WDR70: variants seen among roughly 807,000 people sequenced by gnomAD.
WDR70 encodes the protein WD repeat domain 70, also known as WD repeat-containing protein 70.
A neutral mutation model predicts 88.6 loss-of-function variants in WDR70; 53 were observed. The ratio of observed to expected loss-of-function variants is 0.60; its 90% confidence interval spans 0.48 to 0.75. WDR70 has a LOEUF of 0.75. Among genes scored for constraint, WDR70 ranks in the 30% least tolerant of loss-of-function variants. The pLI is 0.00. For missense variants in WDR70, 610 were observed against 823.2 expected, an observed-to-expected ratio of 0.74 and a Z score of 3.17; for synonymous variants, 280 against 270.0, an observed-to-expected ratio of 1.04 and a Z score of -0.36.
intron 5 of WDR70, among the ~76,000 whole-genome samples, chr5:37,428,294 G>A (rs1430467716): frequency 6.6e-6 from 1 of 152,118 alleles, no homozygotes; most frequent in East Asian, 1.9e-4. Flanking sequence ...TTTACACACA[G>A]TAAAATGCAA....
At chr5:37,409,714 G>A (rs1054006724) in intron 5 of WDR70, among the ~76,000 whole-genome samples, 1 of 151,370 alleles carries the variant, frequency 6.6e-6, no homozygotes, top group Non-Finnish European at 1.5e-5. Context: ...CATGCTGGCC[G>A]GGCTGGTCAC....
rs990107600 is a variant in WDR70, at chr5:37,746,018, A to T, written c.1878-6468A>T. ...CACTTATTCTAAAATCGACCACATAATTGGAAGTAAAACGCTCCTCAGCAA... is the reference window on the plus strand; with the variant it reads ...CACTTATTCTAAAATCGACCACATATTTGGAAGTAAAACGCTCCTCAGCAA... On this transcript the variant is annotated intron_variant, in intron 17 of 17. Transcript: ENST00000265107. Among the ~76,000 whole-genome samples the T allele has an allele frequency of 5.9e-5, 9 of 152,314 alleles. No individual in the cohort carries two copies. In the East Asian group the frequency reaches 1.5e-3, roughly 26 times the overall value.
intron 10 of WDR70, among the ~76,000 whole-genome samples, chr5:37,677,955 T>C (rs901303947): frequency 3.9e-5 from 6 of 152,234 alleles, no homozygotes; most frequent in Non-Finnish European, 8.8e-5. Context: ...GTAGCTCTTC[T>C]TGTTGAATTG....
chr5:37,707,080 G>A (rs1027301510), intron 13 of WDR70, among the ~76,000 whole-genome samples: 6 of 151,986 alleles, frequency 3.9e-5, no homozygotes, highest in African/African-American at 1.5e-4. Flanking sequence ...CAGTATTTAG[G>A]GAAATGTTCT....
intron 3 of WDR70, among the ~76,000 whole-genome samples, chr5:37,390,378 C>T (rs1459499197): frequency 1.2e-4 from 17 of 143,464 alleles, no homozygotes; most frequent in Admixed American, 2.9e-4. Context: ...CTCACTCAGT[C>T]GCCCAGGCTA....
chr5:37,751,166 G>C (rs1303499000), intron 17 of WDR70, among the ~76,000 whole-genome samples: 1 of 152,198 alleles, frequency 6.6e-6, no homozygotes, highest in African/African-American at 2.4e-5. Flanking sequence ...TAACTGGTCA[G>C]CATCTTTGCC....
chr5:37,633,651 A>G (rs75700071), intron 10 of WDR70, among the ~76,000 whole-genome samples: 2,913 of 152,226 alleles, frequency 0.019, 84 homozygotes, highest in African/African-American at 0.066. Flanking sequence ...GTCTTCCCAC[A>G]CATGAAATAT....
At chr5:37,497,249 T>TTCCCTTCC (rs1300230802) in intron 8 of WDR70, among the ~76,000 whole-genome samples, 2 of 139,496 alleles carry the variant, frequency 1.4e-5, no homozygotes, top group African/African-American at 2.7e-5. Context: ...TCCCTCCCTT[T>TTCCCTTCC]TCCCTTCCTC....
At chr5:37,647,914 A>T (rs1745281814) in intron 10 of WDR70, among the ~76,000 whole-genome samples, 1 of 152,098 alleles carries the variant, frequency 6.6e-6, no homozygotes, top group Non-Finnish European at 1.5e-5. Flanking sequence ...GTGCAGGAAA[A>T]ACTACCGTTT....
chr5:37,396,472 A>C lies in WDR70; in HGVS notation c.394A>C (p.Asn132His), dbSNP rs550910664. ...LPPKMVGKPV[N>H]FMEEDILGPL... ...CCCTAAAATGGTAGGAAAACCAGTTAATTTTATGGAGGAAGATATCCTCGG... is the reference window on the plus strand; with the variant it reads ...CCCTAAAATGGTAGGAAAACCAGTTCATTTTATGGAGGAAGATATCCTCGG... The change falls in exon 5 of 18, where the codon AAT becomes CAT. Residue 132 changes from asparagine (N) to histidine (H), a missense_variant. Physicochemically the swap from Asn to His is moderately conservative, Grantham distance 68. Around this residue, in one of 4 missense-constraint regions of WDR70, gnomAD observed 203 missense variants for 228.1 expected, o/e 0.89. Transcript: ENST00000265107. The C allele has an allele frequency of 6.2e-7, 1 of 1,614,090 alleles. No homozygotes were observed. Among genetic ancestry groups the C allele is most frequent in the East Asian group, 2.2e-5 (1 of 44,876 alleles).
At chr5:37,639,346 G>A (rs1161754228) in intron 10 of WDR70, among the ~76,000 whole-genome samples, 1 of 152,098 alleles carries the variant, frequency 6.6e-6, no homozygotes, top group Non-Finnish European at 1.5e-5. Context: ...AAGTTTTATT[G>A]TAGTCAGTTA....
intron 13 of WDR70, among the ~76,000 whole-genome samples, chr5:37,710,249 C>T (rs546752944): frequency 6.6e-6 from 1 of 152,116 alleles, no homozygotes; most frequent in East Asian, 1.9e-4. Context: ...GCATACGGTT[C>T]TGTGGTTTTT....
chr5:37,573,910 C>T (rs1742982776), intron 9 of WDR70, among the ~76,000 whole-genome samples: 2 of 152,132 alleles, frequency 1.3e-5, no homozygotes, highest in African/African-American at 4.8e-5. Flanking sequence ...CTCCTTGGAA[C>T]ATTCTTTGTT....
chr5:37,638,343 G>T (rs981339333), intron 10 of WDR70, among the ~76,000 whole-genome samples: 6 of 152,228 alleles, frequency 3.9e-5, no homozygotes, highest in Admixed American at 2.6e-4. Context: ...TTAATAGTGT[G>T]GACTTCGGAA....
At chr5:37,590,698 G>A (rs1179833723) in intron 9 of WDR70, among the ~76,000 whole-genome samples, 1 of 152,156 alleles carries the variant, frequency 6.6e-6, no homozygotes, top group African/African-American at 2.4e-5. Flanking sequence ...CATAAGCCAA[G>A]GAGGCCAAGG....
intron 8 of WDR70, among the ~76,000 whole-genome samples, chr5:37,481,718 C>T (rs1739676336): frequency 1.3e-5 from 2 of 152,174 alleles, no homozygotes; most frequent in Admixed American, 6.5e-5. Context: ...TTTGGCTCCT[C>T]ATTACTTATG....
At chr5:37,545,063 ATC>A (rs2112336440) in intron 9 of WDR70, among the ~76,000 whole-genome samples, 1 of 152,288 alleles carries the variant, frequency 6.6e-6, no homozygotes, top group African/African-American at 2.4e-5. Flanking sequence ...ATAATTTAAC[ATC>A]TCTGTAATTT....
In WDR70 at chr5:37,529,079, G is replaced by A. The variant is rs564703689; in HGVS notation, c.917+12489G>A. ...CCAAGCACCATTTATTGAATAGAGTGTCTTTTCCCCACTCTATGTTTTTGT... is the reference window on the plus strand; with the variant it reads ...CCAAGCACCATTTATTGAATAGAGTATCTTTTCCCCACTCTATGTTTTTGT... On this transcript the variant is annotated intron_variant, in intron 9 of 17. Coordinates refer to ENST00000265107, the MANE Select transcript of WDR70 (RefSeq NM_018034.4). 1.3e-3 allele frequency among the ~76,000 whole-genome samples: 191 copies of A among 152,046 alleles called. 2 individuals are homozygous for A. Among genetic ancestry groups the A allele is most frequent in the African/African-American group, 4.5e-3 (185 of 41,506 alleles).
chr5:37,415,113 C>G (rs1285821399), intron 5 of WDR70, among the ~76,000 whole-genome samples: 1 of 150,250 alleles, frequency 6.7e-6, no homozygotes, highest in African/African-American at 2.4e-5. Flanking sequence ...GGTCATAGAT[C>G]AACAGGATCC....
Sources: gnomAD v4.1 joint callset for allele counts (sites outside exome capture counted in the v4.1 genomes callset) on GRCh38, gnomAD v4.1.1 for gene constraint, gnomAD v4.1.1 regional missense constraint, MANE v1.5 for transcripts, NCBI Gene and HGNC (gene_info 2026-07-23, HGNC 2026-07-21) for gene names.